The following TAF3 variants were observed in gnomAD, a reference collection of about 807,000 sequenced individuals.
TAF3 encodes transcription initiation factor TFIID subunit 3.
In TAF3, 7 loss-of-function variants were observed where a neutral mutation model predicts 80.6. The observed-to-expected ratio is 0.09, with a 90% CI of 0.05 to 0.16. TAF3 has a LOEUF of 0.16. Ranked by LOEUF, TAF3 falls within the 10% of genes least tolerant of loss-of-function variation. TAF3 has a pLI of 1.00. For synonymous variants in TAF3, 444 were observed against 446.1 expected, an observed-to-expected ratio of 1.00 and a Z score of 0.06; for missense variants, 921 against 1,140.2, an observed-to-expected ratio of 0.81 and a Z score of 2.77.
At chr10:7,837,370 T>C (rs1232311303) in intron 2 of TAF3, among the ~76,000 whole-genome samples, 1 of 142,202 alleles carries the variant, frequency 7.0e-6, no homozygotes, top group African/African-American at 2.6e-5. Context: ...CAGCTGGGTG[T>C]GGTGGCTCAT....
intron 2 of TAF3, among the ~76,000 whole-genome samples, chr10:7,933,823 T>G (rs544271594): frequency 2.0e-5 from 3 of 152,328 alleles, no homozygotes; most frequent in African/African-American, 7.2e-5. Flanking sequence ...AGCCTGTTCT[T>G]TGGCTATTAT....
At position 7,964,138 on chromosome 10, in the gene TAF3, T is replaced by G. The variant is rs1831541721; in HGVS notation, c.628T>G (p.Leu210Val). 1 of 1,614,008 alleles carries G rather than the reference T, an allele frequency of 6.2e-7. No homozygotes were observed. The highest frequency in any genetic ancestry group is 1.3e-5 in the African/African-American group (1 of 74,904). ...TKGDTLDVVL[L>V]EAREPLSSIN... ...AGGGGACACGCTAGATGTTGTGTTA[T>G]TGGAAGCTCGAGAGCCACTCAGCTC... The change falls in exon 3 of 7, where the codon TTG (leucine) becomes GTG (valine). Residue 210 changes from leucine to valine, a missense_variant. Leu to Val is a conservative substitution (Grantham distance 32). This residue lies in a region of TAF3 where 743 missense variants were observed against 821.0 expected (regional missense o/e 0.90). Transcript: ENST00000344293. The surrounding 1 kb of genome is among the most constrained non-coding windows in gnomAD (Gnocchi z 4.1).
At chr10:7,925,908 G>A (rs980642574) in intron 2 of TAF3, among the ~76,000 whole-genome samples, 12 of 151,778 alleles carry the variant, frequency 7.9e-5, no homozygotes, top group Non-Finnish European at 1.8e-4. Context: ...TGCTGGGATT[G>A]TAATAATCTC....
At chr10:7,830,473 C>CTT (rs1176707860) in intron 2 of TAF3, among the ~76,000 whole-genome samples, 733 of 57,714 alleles carry the variant, frequency 0.013, 227 homozygotes, top group African/African-American at 0.027. Context: ...CTTTACATGT[C>CTT]TTTTTTTTTT....
chr10:7,951,296 A>G (rs776551072), intron 2 of TAF3, among the ~76,000 whole-genome samples: 8 of 152,196 alleles, frequency 5.3e-5, no homozygotes, highest in Non-Finnish European at 7.3e-5. Flanking sequence ...TTACAATTCC[A>G]TGAGTTTGCA....
chr10:7,822,944 T>C (rs1244465), intron 1 of TAF3, among the ~76,000 whole-genome samples: 53,377 of 152,048 alleles, frequency 0.35, 9,349 homozygotes, highest in South Asian at 0.44. Context: ...ATTTGAAAAT[T>C]TATAGATAAA....
At chr10:8,003,840 G>C (rs979502275) in intron 4 of TAF3, among the ~76,000 whole-genome samples, 7 of 151,946 alleles carry the variant, frequency 4.6e-5, no homozygotes, top group African/African-American at 7.3e-5. Flanking sequence ...GAGCCCAGGA[G>C]TTCAAGACCA....
rs35219363 is a variant in TAF3 at position 7,944,093 on chromosome 10, T to TTGTGTGTGTG, written c.410-19793_410-19784dup. On this transcript the variant is annotated intron_variant, in intron 2 of 6. Coordinates refer to ENST00000344293, the MANE Select transcript of TAF3 (RefSeq NM_031923.4). Reference sequence around the variant, plus strand: ...CACTGATTTTTTAAAATGTTCATGCTTGTGTGTGTGTGTGTGTGTGTGTGT... The same window carrying TTGTGTGTGTG: ...CACTGATTTTTTAAAATGTTCATGCTTGTGTGTGTGTGTGTGTGTGTGTGTGTGTGTGTGT... Among the ~76,000 whole-genome samples the TTGTGTGTGTG allele has an allele frequency of 2.2e-3, 308 of 137,160 alleles. 1 individual carries two copies. Among genetic ancestry groups the TTGTGTGTGTG allele is most frequent in the African/African-American group, 5.9e-3 (213 of 36,024 alleles). 90.0% of individuals were successfully genotyped at this position (137,160 alleles called of 152,430 possible). A position where few individuals can be genotyped will look rare whatever the true frequency, so the allele number is the denominator to read the frequency against.
intron 2 of TAF3, among the ~76,000 whole-genome samples, chr10:7,890,983 A>G (rs1172348839): frequency 6.6e-6 from 1 of 152,270 alleles, no homozygotes; most frequent in Non-Finnish European, 1.5e-5. Context: ...TTTGCTAAGC[A>G]TGTAGCTGAA....
chr10:8,009,039 T>A lies in TAF3; in HGVS notation c.2316-39T>A. 5 of 1,572,964 alleles carry A rather than the reference T, an allele frequency of 3.2e-6. No individual in the cohort carries two copies. The highest frequency in any genetic ancestry group is 4.3e-6 in the Non-Finnish European group (5 of 1,158,034). On this transcript the variant is annotated intron_variant, in intron 4 of 6. Transcript: ENST00000344293. The surrounding 1 kb of genome is among the most constrained non-coding windows in gnomAD (Gnocchi z 4.1). The stretch of plus-strand genomic sequence containing the variant: ...AAGCACGGGTTTGGTTCGATGATGA[T>A]CCTGTTTTGACTTTTACCTTCTCTT...
rs1832028796 is a variant in TAF3 at position 8,009,252 on chromosome 10, C to G, written c.2490C>G (p.Ser830=). Residue 830 remains serine (S), a synonymous_variant, in exon 5 of 7, where the codon TCC becomes TCG. Transcript: ENST00000344293. This position sits in a 1 kb window ranked among gnomAD's most constrained non-coding sequence, Gnocchi z 4.1. ...QAAAGPALLP[S]PGPAASGASA... ...CCGCGGGCCCTGCCCTGCTGCCCTC[C>G]CCGGGTCCCGCCGCCTCCGGGGCCA... 1.3e-6 allele frequency: 2 copies of G among 1,534,260 alleles called. No homozygotes were observed. Among genetic ancestry groups the G allele is most frequent in the Non-Finnish European group, 1.7e-6 (2 of 1,143,012 alleles).
At chr10:7,902,433 T>A (rs7069058) in intron 2 of TAF3, among the ~76,000 whole-genome samples, 1,550 of 151,998 alleles carry the variant, frequency 0.01, 29 homozygotes, top group African/African-American at 0.036. Flanking sequence ...TAAAAAAAAA[T>A]AATAAAAAAA....
intron 2 of TAF3, among the ~76,000 whole-genome samples, chr10:7,955,092 T>C (rs1342791579): frequency 1.3e-5 from 2 of 152,252 alleles, no homozygotes; most frequent in African/African-American, 4.8e-5. Flanking sequence ...TTTAGTGGCA[T>C]TGAGTCACTT....
chr10:7,873,898 T>C (rs907150038), intron 2 of TAF3, among the ~76,000 whole-genome samples: 1 of 152,258 alleles, frequency 6.6e-6, no homozygotes, highest in African/African-American at 2.4e-5. Context: ...ACATTTGTAT[T>C]GAGCACTTAG....
chr10:7,828,844 G>A (rs1025018052), intron 2 of TAF3, among the ~76,000 whole-genome samples: 1 of 151,802 alleles, frequency 6.6e-6, no homozygotes, highest in East Asian at 1.9e-4. Context: ...GACGAGCCTG[G>A]CCAACATGGT....
At chr10:7,941,211 G>A (rs1373913150) in intron 2 of TAF3, among the ~76,000 whole-genome samples, 1 of 152,174 alleles carries the variant, frequency 6.6e-6, no homozygotes, top group Non-Finnish European at 1.5e-5. Flanking sequence ...GAGTGACCAC[G>A]TTTAGCCTGC....
intron 2 of TAF3, among the ~76,000 whole-genome samples, chr10:7,949,152 G>A (rs780391257): frequency 4.1e-4 from 63 of 152,214 alleles, no homozygotes; most frequent in Non-Finnish European, 7.3e-4. Flanking sequence ...GTGTCTGTGC[G>A]TGCACAGATG....
rs114188237 is a variant in TAF3 at position 7,936,232 on chromosome 10, C to T, written c.410-27688C>T. 8.0e-3 allele frequency among the ~76,000 whole-genome samples: 1,221 copies of T among 152,274 alleles called. 22 individuals carry two copies. The highest frequency in any genetic ancestry group is 0.028 in the African/African-American group (1,154 of 41,538). On this transcript the variant is annotated intron_variant, in intron 2 of 6. Coordinates refer to ENST00000344293, the MANE Select transcript of TAF3 (RefSeq NM_031923.4). ...GAAACAAGCACAGTAACAATATTTT[C>T]CTGAAGTAAAACAATCCTTGCTTAA...
Position 8,009,203 on chromosome 10 carries a change from C to G in TAF3, c.2441C>G (p.Pro814Arg). Residue 814 changes from proline to arginine, a missense_variant, in exon 5 of 7, where the codon CCG becomes CGG. By Grantham distance (103) the Pro-to-Arg change is moderately radical (BLOSUM62 -2). This residue lies in a region of TAF3 where 743 missense variants were observed against 821.0 expected (regional missense o/e 0.90). Transcript: ENST00000344293. This position sits in a 1 kb window ranked among gnomAD's most constrained non-coding sequence, Gnocchi z 4.1. ...GPMLVSPAPV[P>R]LPLLAQAAAG... Reference sequence around the variant, plus strand: ...ATGCTCGTCAGCCCTGCGCCCGTGCCGCTGCCGCTGCTCGCCCAGGCCGCC... The same window carrying G: ...ATGCTCGTCAGCCCTGCGCCCGTGCGGCTGCCGCTGCTCGCCCAGGCCGCC... The G allele has an allele frequency of 6.9e-7, 1 of 1,447,352 alleles. No individual in the cohort carries two copies. Among genetic ancestry groups the G allele is most frequent in the South Asian group, 1.3e-5 (1 of 76,488 alleles). 89.7% of individuals were successfully genotyped at this position (1,447,352 alleles called of 1,614,324 possible). A position where few individuals can be genotyped will look rare whatever the true frequency, so the allele number is the denominator to read the frequency against.
Sources: gnomAD v4.1 joint callset for allele counts (sites outside exome capture counted in the v4.1 genomes callset) on GRCh38, gnomAD v4.1.1 for gene constraint, gnomAD v4.1.1 regional missense constraint, Gnocchi (gnomAD v3.1) non-coding constraint, MANE v1.5 for transcripts, NCBI Gene and HGNC (gene_info 2026-07-23, HGNC 2026-07-21) for gene names.